PLCB1: variants seen among roughly 807,000 people sequenced by gnomAD.
PLCB1 encodes phospholipase C beta 1.
PLCB1 carries 46 observed loss-of-function variants against 161.8 expected under a neutral mutation model. That is an observed-to-expected ratio of 0.28 (90% CI 0.22 to 0.36). PLCB1 has a LOEUF of 0.36. Ranked by LOEUF, PLCB1 falls within the 10% of genes least tolerant of loss-of-function variation. PLCB1 has a pLI of 1.00. For missense variants in PLCB1, 1,016 were observed against 1,472.5 expected (o/e 0.69, Z 5.07); for synonymous variants, 517 against 503.7 (o/e 1.03, Z -0.35).
chr20:8,312,837 GA>G (rs112040687), intron 2 of PLCB1, among the ~76,000 whole-genome samples: 8,254 of 142,210 alleles, frequency 0.058, 586 homozygotes, highest in African/African-American at 0.18. Context: ...TTTCTCTATA[GA>G]AAAAAAAAAA....
At chr20:8,622,460 T>C (rs563995565) in intron 3 of PLCB1, among the ~76,000 whole-genome samples, 5 of 152,132 alleles carry the variant, frequency 3.3e-5, no homozygotes, top group Non-Finnish European at 7.4e-5. Flanking sequence ...AGTTCCCATA[T>C]AGTCCTAAGA....
chr20:8,603,149 A>G (rs1883501), intron 3 of PLCB1, among the ~76,000 whole-genome samples: 46,267 of 152,114 alleles, frequency 0.3, 8,435 homozygotes, highest in Non-Finnish European at 0.4. Flanking sequence ...CTTTCTCTCA[A>G]AATTAGCATA....
chr20:8,626,675 C>A (rs1337933416), intron 3 of PLCB1, among the ~76,000 whole-genome samples: 1 of 152,126 alleles, frequency 6.6e-6, no homozygotes, highest in African/African-American at 2.4e-5. Context: ...TCTGTAATCA[C>A]TGATTTAAAA....
At chr20:8,504,368 A>T (rs139710400) in intron 3 of PLCB1, among the ~76,000 whole-genome samples, 130 of 152,310 alleles carry the variant, frequency 8.5e-4, no homozygotes, top group African/African-American at 3.1e-3. Flanking sequence ...CCTAACTTCG[A>T]AGTGGGCAGA....
chr20:8,778,653 G>T (rs1983060091), intron 27 of PLCB1, among the ~76,000 whole-genome samples: 1 of 152,190 alleles, frequency 6.6e-6, no homozygotes, highest in South Asian at 2.1e-4. Context: ...GCCCTTTCAG[G>T]CCAAATGTAA....
chr20:8,730,514 C>T (rs1015627918), intron 18 of PLCB1, among the ~76,000 whole-genome samples: 1 of 151,520 alleles, frequency 6.6e-6, no homozygotes, highest in Non-Finnish European at 1.5e-5. Flanking sequence ...GGATTAATAC[C>T]TGGAAGTGGT....
intron 2 of PLCB1, among the ~76,000 whole-genome samples, chr20:8,272,959 A>ATG (rs1273239654): frequency 6.6e-6 from 1 of 152,144 alleles, no homozygotes; most frequent in African/African-American, 2.4e-5. Flanking sequence ...CAGCACATGT[A>ATG]TGTATGACTT....
chr20:8,217,556 A>G (rs1979197128), intron 2 of PLCB1, among the ~76,000 whole-genome samples: 1 of 152,160 alleles, frequency 6.6e-6, no homozygotes, highest in Non-Finnish European at 1.5e-5. Flanking sequence ...AGACTGTGAT[A>G]TCAATGACCT....
intron 4 of PLCB1, among the ~76,000 whole-genome samples, chr20:8,631,111 TACC>T (rs1988574137): frequency 6.6e-6 from 1 of 152,232 alleles, no homozygotes. Context: ...GTACCACTGT[TACC>T]TTGGAGCATC....
chr20:8,505,001 G>A (rs908714818), intron 3 of PLCB1, among the ~76,000 whole-genome samples: 2 of 152,116 alleles, frequency 1.3e-5, no homozygotes, highest in Non-Finnish European at 2.9e-5. Flanking sequence ...AGAGTAGCTA[G>A]GACTACATCA....
intron 2 of PLCB1, among the ~76,000 whole-genome samples, chr20:8,223,886 CG>C (rs1352398146): frequency 6.6e-6 from 1 of 152,098 alleles, no homozygotes; most frequent in Non-Finnish European, 1.5e-5. Context: ...GCTTGCTTGG[CG>C]TCTAGCAATT....
chr20:8,628,323 G>A lies in PLCB1; in HGVS notation c.276G>A (p.Val92=), dbSNP rs544893918. The change falls in exon 4 of 32, where the codon GTG becomes GTA. Residue 92 remains valine, a synonymous_variant. Transcript: ENST00000338037. ...KDPKLRELLD[V]GNIGRLEQRM... is the part of the protein sequence containing the mutation. ...CCAAATTACGTGAACTTTTGGATGTGGGGAACATCGGGCGCCTGGAGCAGC... is the reference window on the plus strand; with the variant it reads ...CCAAATTACGTGAACTTTTGGATGTAGGGAACATCGGGCGCCTGGAGCAGC... 1 of 1,613,824 alleles carries A rather than the reference G, an allele frequency of 6.2e-7. No homozygotes were observed. The highest frequency in any genetic ancestry group is 1.3e-5 in the African/African-American group (1 of 75,012).
chr20:8,824,638 G>A (rs977973254), intron 31 of PLCB1, among the ~76,000 whole-genome samples: 15 of 152,132 alleles, frequency 9.9e-5, no homozygotes, highest in Admixed American at 6.6e-4. Context: ...CACCAGAATT[G>A]GATTTCAGCT....
intron 31 of PLCB1, among the ~76,000 whole-genome samples, chr20:8,876,749 G>T (rs1600109599): frequency 6.6e-6 from 1 of 152,116 alleles, no homozygotes; most frequent in Non-Finnish European, 1.5e-5. Flanking sequence ...TTTTATATCT[G>T]ATAGTCAATT....
intron 2 of PLCB1, among the ~76,000 whole-genome samples, chr20:8,151,464 A>G (rs558246561): frequency 1.3e-5 from 2 of 152,052 alleles, no homozygotes; most frequent in African/African-American, 2.4e-5. Flanking sequence ...CTGGAATTAG[A>G]CTCTAAATCA....
At position 8,660,897 on chromosome 20, in the gene PLCB1, C is replaced by G. The variant is rs555177927; in HGVS notation, c.862+2193C>G. Among the ~76,000 whole-genome samples, 82 of 152,242 alleles carry G rather than the reference C, an allele frequency of 5.4e-4. 1 individual carries two copies. The highest frequency in any genetic ancestry group is 1.8e-3 in the African/African-American group (75 of 41,548). On this transcript the variant is annotated intron_variant, in intron 9 of 31. Coordinates refer to ENST00000338037, the MANE Select transcript of PLCB1 (RefSeq NM_015192.4). ...ATGGTTCCACTTTTGAGTTTCAAAG[C>G]TGAGATCCACCTCACTAGTTTCATA...
intron 3 of PLCB1, among the ~76,000 whole-genome samples, chr20:8,495,233 T>C (rs1983110622): frequency 6.6e-6 from 1 of 152,152 alleles, no homozygotes; most frequent in South Asian, 2.1e-4. Context: ...GCTATCATTA[T>C]GTCTATTTTA....
intron 3 of PLCB1, among the ~76,000 whole-genome samples, chr20:8,567,469 A>C (rs2123040786): frequency 6.6e-6 from 1 of 152,256 alleles, no homozygotes; most frequent in South Asian, 2.1e-4. Flanking sequence ...TCATAAGTTT[A>C]GTATTCTCCA....
chr20:8,362,309 G>A (rs1253005579), intron 2 of PLCB1, among the ~76,000 whole-genome samples: 3 of 152,110 alleles, frequency 2.0e-5, no homozygotes, highest in Admixed American at 2.0e-4. Flanking sequence ...TCGTTAAAAT[G>A]AAGGCAGTTA....
Sources: gnomAD v4.1 joint callset for allele counts (sites outside exome capture counted in the v4.1 genomes callset) on GRCh38, gnomAD v4.1.1 for gene constraint, MANE v1.5 for transcripts, NCBI Gene and HGNC (gene_info 2026-07-23, HGNC 2026-07-21) for gene names.